Variants in SECISBP2L observed in about 807,000 individuals in gnomAD.
The protein encoded by SECISBP2L is selenocysteine insertion sequence-binding protein 2-like.
Under a neutral mutation model 114.7 loss-of-function variants are expected in SECISBP2L, and 43 were observed. The observed-to-expected ratio is 0.38, with a 90% CI of 0.29 to 0.48. The LOEUF (loss-of-function observed/expected upper bound fraction) is 0.48. SECISBP2L is among the 20% of genes least tolerant of loss of function. SECISBP2L has a pLI of 0.98. For synonymous variants in SECISBP2L, 451 were observed against 439.7 expected, an observed-to-expected ratio of 1.03 and a Z score of -0.32; for missense variants, 1,136 against 1,301.1, an observed-to-expected ratio of 0.87 and a Z score of 1.95.
intron 11 of SECISBP2L, 118 bp from the exon 12 acceptor site, chr15:49,012,935 C>T: frequency 1.1e-6 from 1 of 928,756 alleles, no homozygotes; most frequent in African/African-American, 1.7e-5. Context: ...GACATCATAA[C>T]AGTAGGAGCA....
chr15:49,030,451 C>T (rs1402170848), intron 4 of SECISBP2L, among the ~76,000 whole-genome samples: 1 of 152,208 alleles, frequency 6.6e-6, no homozygotes, highest in African/African-American at 2.4e-5. Flanking sequence ...ATTGTTCAGC[C>T]TGCTAGCACA....
At chr15:49,015,636 A>AAC (rs1902521315) in intron 11 of SECISBP2L, among the ~76,000 whole-genome samples, 1 of 152,206 alleles carries the variant, frequency 6.6e-6, no homozygotes, top group African/African-American at 2.4e-5. Flanking sequence ...GAAATGAGGG[A>AAC]ACACAGAAAA....
intron 13 of SECISBP2L, 23 bp from the exon 14 acceptor site, chr15:49,009,401 G>GA (rs1566855176): frequency 6.3e-7 from 1 of 1,591,420 alleles, no homozygotes; most frequent in South Asian, 1.1e-5. Context: ...GGAGTGAAGG[G>GA]AAAAAATTTA....
At chr15:49,028,073 T>A (rs76487480) in intron 6 of SECISBP2L, 71 bp downstream of exon 6, 56,893 of 1,371,340 alleles carry the variant, frequency 0.041, 1,815 homozygotes, top group East Asian at 0.17. Context: ...GCAAGCCTCA[T>A]GCTTAAAAGG....
Position 48,992,121 on chromosome 15 carries a change from AT to A in SECISBP2L, c.*122del. The A allele has an allele frequency of 1.1e-6, 1 of 902,654 alleles. No individual in the cohort carries two copies. The highest frequency in any genetic ancestry group is 2.1e-5 in the South Asian group (1 of 47,092). The allele number at this position is 902,654 out of a possible 1,614,324, so 55.9% of individuals were successfully genotyped here. On this transcript the variant is annotated 3_prime_UTR_variant, in exon 18 of 18. Coordinates refer to ENST00000559471, the MANE Select transcript of SECISBP2L (RefSeq NM_001193489.2). ...ATCATAACAAGTAAAAGCTACAAAA[AT>A]ATTTGTTGGGAATTAAATACGTATA...
chr15:49,035,798 T>C, intron 2 of SECISBP2L, 140 bp from the exon 3 acceptor site: 1 of 721,128 alleles, frequency 1.4e-6, no homozygotes, highest in Non-Finnish European at 2.2e-6. Flanking sequence ...GACAAAACTA[T>C]CATCATCTTA....
chr15:49,017,451 T>C, intron 9 of SECISBP2L, 97 bp downstream of exon 9: 2 of 765,136 alleles, frequency 2.6e-6, no homozygotes, highest in Admixed American at 5.1e-5. Flanking sequence ...ACTCTGCTGC[T>C]CCATGTGCCT....
At chr15:49,009,507 G>C in intron 13 of SECISBP2L, 129 bp from the exon 14 acceptor site, 1 of 814,498 alleles carries the variant, frequency 1.2e-6, no homozygotes, top group Non-Finnish European at 1.9e-6. Context: ...AAGCTAATAA[G>C]GTGGGCATTT....
intron 4 of SECISBP2L, among the ~76,000 whole-genome samples, chr15:49,031,459 G>A (rs985186879): frequency 6.6e-6 from 1 of 151,902 alleles, no homozygotes; most frequent in Non-Finnish European, 1.5e-5. Flanking sequence ...TTTTGTGGGT[G>A]GCAAACTGAA....
chr15:49,040,190 G>A (rs928755811), intron 1 of SECISBP2L, among the ~76,000 whole-genome samples: 11 of 152,246 alleles, frequency 7.2e-5, no homozygotes, highest in African/African-American at 2.6e-4. Context: ...ACTAATGGCT[G>A]CACATATACA....
chr15:48,989,480 T>C lies in SECISBP2L; in HGVS notation c.*2764A>G, dbSNP rs1901926575. 6.6e-6 allele frequency: 1 copy of C among 152,620 alleles called. No homozygotes were observed. Among genetic ancestry groups the C allele is most frequent in the African/African-American group, 2.4e-5 (1 of 41,456 alleles). The allele number at this position is 152,620 out of a possible 1,614,324, so 9.5% of individuals were successfully genotyped here. On this transcript the variant is annotated 3_prime_UTR_variant, in exon 18 of 18. Coordinates refer to ENST00000559471, the MANE Select transcript of SECISBP2L (RefSeq NM_001193489.2). ...CTCAATGTATAACACACATTACTTT[T>C]CCACATTTAGTCAAAAGAAATATAT... is the stretch of plus-strand genomic sequence containing the variant.
rs1595787133 is a variant in SECISBP2L, at chr15:49,012,657, T to C, written c.1722A>G (p.Ala574=). The change falls in exon 12 of 18, where the codon GCA becomes GCG. Residue 574 remains alanine, a synonymous_variant. Transcript: ENST00000559471. ...KEIAKLKRPT[A]LKKVILKERE... ...CCAGATTTTGGTTTACCTTTTTAAG[T>C]GCTGTGGGTCGTTTTAGTTTTGCAA... is the stretch of plus-strand genomic sequence containing the variant. 6.2e-7 allele frequency: 1 copy of C among 1,612,002 alleles called. No individual in the cohort carries two copies. Among genetic ancestry groups the C allele is most frequent in the Admixed American group, 1.7e-5 (1 of 59,616 alleles).
rs1436129940 is a variant in SECISBP2L, at chr15:48,988,924, T to C, written c.*3320A>G. On this transcript the variant is annotated 3_prime_UTR_variant, in exon 18 of 18. Transcript: ENST00000559471. The stretch of plus-strand genomic sequence containing the variant: ...TGTGCCAACAAAATTTAAATTTTTC[T>C]CATTAGGATTCAGATTTCAGATTAG... 1 of 170,984 alleles carries C rather than the reference T, an allele frequency of 5.8e-6. No homozygotes were observed. Among genetic ancestry groups the C allele is most frequent in the Non-Finnish European group, 1.3e-5 (1 of 79,394 alleles). 10.6% of individuals were successfully genotyped at this position (170,984 alleles called of 1,614,324 possible). A position where few individuals can be genotyped will look rare whatever the true frequency, so the allele number is the denominator to read the frequency against.
intron 13 of SECISBP2L, among the ~76,000 whole-genome samples, chr15:49,010,142 C>CACACACACACAT (rs1902408391): frequency 6.6e-6 from 1 of 151,732 alleles, no homozygotes. Flanking sequence ...CACACACACA[C>CACACACACACAT]ACACACACAC....
In SECISBP2L at chr15:48,992,010, G is replaced by T; in HGVS notation, c.*234C>A. ...TGGTCTTCTTTTTATCACTGTTTTT[G>T]ATTACAAAATAAGCTGAAACAGATC... On this transcript the variant is annotated 3_prime_UTR_variant, in exon 18 of 18. Transcript: ENST00000559471. The T allele has an allele frequency of 7.6e-6, 3 of 394,070 alleles. No individual in the cohort carries two copies. The highest frequency in any genetic ancestry group is 2.0e-5 in the African/African-American group (1 of 48,956). The allele number at this position is 394,070 out of a possible 1,614,324, so 24.4% of individuals were successfully genotyped here.
At chr15:49,034,935 T>A (rs892073812) in intron 3 of SECISBP2L, among the ~76,000 whole-genome samples, 1 of 152,116 alleles carries the variant, frequency 6.6e-6, no homozygotes, top group African/African-American at 2.4e-5. Context: ...AGTGCTGGGA[T>A]TATAGGTGTG....
At chr15:49,020,551 A>G (rs1902621680) in intron 7 of SECISBP2L, among the ~76,000 whole-genome samples, 1 of 152,168 alleles carries the variant, frequency 6.6e-6, no homozygotes, top group Admixed American at 6.5e-5. Context: ...TCTGTCACCC[A>G]GGCAGGAGTG....
rs1275237198 is a variant in SECISBP2L at position 49,016,857 on chromosome 15, T to G, written c.1410A>C (p.Lys470Asn). 4 of 1,610,516 alleles carry G rather than the reference T, an allele frequency of 2.5e-6. No homozygotes were observed. In the Admixed American group the frequency reaches 6.8e-5, roughly 27 times the overall value. The part of the protein sequence containing the change: ...QEYSEISMEQ[K>N]KLQEALSKAA... The stretch of plus-strand genomic sequence containing the variant: ...AAAAATGAATATGTACCTGTAATTT[T>G]TTTTGCTCCATACTTATTTCTGAAT... The change falls in exon 10 of 18, where the codon AAA becomes AAC. Residue 470 changes from lysine to asparagine, a missense_variant. Lys to Asn is a moderately conservative substitution (Grantham distance 94). Coordinates refer to ENST00000559471, the MANE Select transcript of SECISBP2L (RefSeq NM_001193489.2).
At chr15:49,005,396 C>T (rs1902296301) in intron 14 of SECISBP2L, among the ~76,000 whole-genome samples, 1 of 152,028 alleles carries the variant, frequency 6.6e-6, no homozygotes, top group Admixed American at 6.6e-5. Flanking sequence ...TAAGGACTTG[C>T]TTTATGAATC....
Sources: gnomAD v4.1 joint callset for allele counts (sites outside exome capture counted in the v4.1 genomes callset) on GRCh38, gnomAD v4.1.1 for gene constraint, MANE v1.5 for transcripts, NCBI Gene and HGNC (gene_info 2026-07-23, HGNC 2026-07-21) for gene names.